The following SLC25A16 variants were observed in gnomAD, a reference collection of about 807,000 sequenced individuals.
The protein encoded by SLC25A16 is solute carrier family 25 member 16, also known as mitochondrial coenzyme A transporter SLC25A16.
In SLC25A16, 39 loss-of-function variants were observed where a neutral mutation model predicts 41.5. That is an observed-to-expected ratio of 0.94 (90% CI 0.73 to 1.23). The LOEUF is 1.23. Among genes scored for constraint, SLC25A16 ranks in the 50% most tolerant of loss-of-function variants. SLC25A16 has a pLI of 0.00. For synonymous variants in SLC25A16, 146 were observed against 147.8 expected, an observed-to-expected ratio of 0.99 and a Z score of 0.09; for missense variants, 421 against 426.9, an observed-to-expected ratio of 0.99 and a Z score of 0.12.
chr10:68,509,784 G>T (rs977202684), intron 2 of SLC25A16, among the ~76,000 whole-genome samples: 11 of 147,644 alleles, frequency 7.5e-5, no homozygotes, highest in African/African-American at 2.7e-4. Context: ...TAGATATATA[G>T]ATAGATATAT....
intron 2 of SLC25A16, among the ~76,000 whole-genome samples, chr10:68,515,596 C>G (rs897711667): frequency 5.3e-5 from 8 of 151,884 alleles, no homozygotes; most frequent in Non-Finnish European, 8.8e-5. Flanking sequence ...TTTGGGAGTT[C>G]GAGAGCAGCC....
At chr10:68,526,001 T>C (rs1473539021) in intron 1 of SLC25A16, among the ~76,000 whole-genome samples, 2 of 151,860 alleles carry the variant, frequency 1.3e-5, no homozygotes, top group Non-Finnish European at 2.9e-5. Flanking sequence ...AAGCCAGGTA[T>C]TGTCCAAGGT....
chr10:68,526,699 A>G (rs957009539), intron 1 of SLC25A16, among the ~76,000 whole-genome samples: 35 of 152,330 alleles, frequency 2.3e-4, no homozygotes, highest in African/African-American at 8.4e-4. Flanking sequence ...CTAAGAGACA[A>G]TATGAACTTT....
chr10:68,492,405 G>A (rs1013928169), intron 6 of SLC25A16, among the ~76,000 whole-genome samples: 2 of 152,098 alleles, frequency 1.3e-5, no homozygotes, highest in African/African-American at 2.4e-5. Context: ...TAAACTGGCT[G>A]CAATTTTGTC....
intron 7 of SLC25A16, among the ~76,000 whole-genome samples, chr10:68,487,517 G>A (rs144225601): frequency 2.4e-4 from 36 of 152,230 alleles, no homozygotes; most frequent in African/African-American, 8.2e-4. Context: ...TTTCATTGTT[G>A]AACACTAATA....
intron 4 of SLC25A16, among the ~76,000 whole-genome samples, chr10:68,500,935 AAAG>A (rs2052832031): frequency 1.3e-5 from 2 of 151,012 alleles, no homozygotes; most frequent in Admixed American, 1.3e-4. Flanking sequence ...CGTCTCAAAA[AAAG>A]AAGAAAAAAG....
chr10:68,499,335 C>T (rs1014280407), intron 4 of SLC25A16, among the ~76,000 whole-genome samples: 8 of 152,202 alleles, frequency 5.3e-5, no homozygotes, highest in Non-Finnish European at 1.0e-4. Flanking sequence ...GAACTCAGCT[C>T]ATCACTTCTA....
At chr10:68,519,548 A>G (rs2053217181) in intron 1 of SLC25A16, among the ~76,000 whole-genome samples, 1 of 152,010 alleles carries the variant, frequency 6.6e-6, no homozygotes, top group South Asian at 2.1e-4. Context: ...ACTAAAAATA[A>G]TATGCATTTG....
intron 2 of SLC25A16, among the ~76,000 whole-genome samples, chr10:68,514,944 G>A (rs2053134594): frequency 2.6e-5 from 4 of 151,606 alleles, no homozygotes; most frequent in Admixed American, 2.6e-4. Context: ...CACCATGTTG[G>A]CCAAGCTGAT....
At chr10:68,500,500 G>T (rs2052823300) in intron 4 of SLC25A16, among the ~76,000 whole-genome samples, 1 of 151,886 alleles carries the variant, frequency 6.6e-6, no homozygotes, top group South Asian at 2.1e-4. Context: ...TACAGACAGG[G>T]TTTCACCATG....
rs905066396 is a variant in SLC25A16 at position 68,527,136 on chromosome 10, T to C, written c.130+110A>G. On this transcript the variant is annotated intron_variant, in intron 1 of 8. Transcript: ENST00000609923. The stretch of plus-strand genomic sequence containing the variant: ...GTCAGGGCAGACATCTAACAGAACA[T>C]TGAAGCAGCCAGAGTCCAGGAATGT... 1.7e-5 allele frequency: 20 copies of C among 1,174,382 alleles called. No homozygotes were observed. The African/African-American group carries it at 2.1e-4, about 12-fold the overall frequency. 72.7% of individuals were successfully genotyped at this position (1,174,382 alleles called of 1,614,324 possible).
intron 1 of SLC25A16, among the ~76,000 whole-genome samples, chr10:68,523,052 T>C (rs2053274102): frequency 6.6e-6 from 1 of 152,186 alleles, no homozygotes; most frequent in African/African-American, 2.4e-5. Flanking sequence ...TTACACAACA[T>C]GTTTGTCAAA....
intron 2 of SLC25A16, among the ~76,000 whole-genome samples, chr10:68,513,698 T>C (rs1279240016): frequency 1.3e-5 from 2 of 152,076 alleles, no homozygotes; most frequent in Non-Finnish European, 2.9e-5. Context: ...GAGACCAGCC[T>C]GGCAAACACG....
At chr10:68,493,087 A>C in intron 6 of SLC25A16, 45 bp downstream of exon 6, 2 of 1,140,818 alleles carry the variant, frequency 1.8e-6, no homozygotes, top group Non-Finnish European at 2.6e-6. Flanking sequence ...AAAGGTAACA[A>C]ATTTTAAACA....
intron 4 of SLC25A16, among the ~76,000 whole-genome samples, chr10:68,501,341 G>C (rs1346976982): frequency 6.6e-6 from 1 of 152,064 alleles, no homozygotes; most frequent in Non-Finnish European, 1.5e-5. Flanking sequence ...AAATCATAGA[G>C]CTTTCCTCAT....
chr10:68,503,523 C>T, intron 4 of SLC25A16, 109 bp downstream of exon 4: 1 of 623,114 alleles, frequency 1.6e-6, no homozygotes, highest in Non-Finnish European at 2.7e-6. Flanking sequence ...AGTCACAGGA[C>T]ACCTGCAACC....
intron 2 of SLC25A16, among the ~76,000 whole-genome samples, chr10:68,514,133 C>T (rs1224334726): frequency 6.6e-6 from 1 of 152,008 alleles, no homozygotes; most frequent in Non-Finnish European, 1.5e-5. Context: ...GAGGAGGTTT[C>T]AATGAGCCAA....
At chr10:68,496,773 A>G in intron 4 of SLC25A16, 3 of 783,464 alleles carry the variant, frequency 3.8e-6, no homozygotes, top group Non-Finnish European at 4.6e-6. Flanking sequence ...GGTAATTATG[A>G]ATTATTTATT....
intron 8 of SLC25A16, among the ~76,000 whole-genome samples, chr10:68,486,144 G>T (rs1296755515): frequency 6.7e-6 from 1 of 149,592 alleles, no homozygotes; most frequent in African/African-American, 2.5e-5. Flanking sequence ...CTTGAACCCG[G>T]AAGGGGGAGG....
Sources: allele counts gnomAD v4.1 joint callset (sites outside exome capture counted in the v4.1 genomes callset), GRCh38; gene constraint gnomAD v4.1.1; transcripts MANE v1.5; gene names NCBI Gene and HGNC (gene_info 2026-07-23, HGNC 2026-07-21).